The following ACSM1 variants were observed in gnomAD, a reference collection of about 807,000 sequenced individuals.
The protein encoded by ACSM1 is acyl-coenzyme A synthetase ACSM1, mitochondrial.
Under a neutral mutation model 75.8 loss-of-function variants are expected in ACSM1, and 79 were observed. The ratio of observed to expected loss-of-function variants is 1.04; its 90% confidence interval spans 0.87 to 1.26. The LOEUF is 1.26. Among genes scored for constraint, ACSM1 ranks in the 50% most tolerant of loss-of-function variants. ACSM1 has a pLI of 0.00. For missense variants in ACSM1, 676 were observed against 720.1 expected, an observed-to-expected ratio of 0.94 and a Z score of 0.70; for synonymous variants, 279 against 265.8, an observed-to-expected ratio of 1.05 and a Z score of -0.48.
chr16:20,677,848 T>A (rs1234259873), intron 4 of ACSM1, among the ~76,000 whole-genome samples: 3 of 151,988 alleles, frequency 2.0e-5, no homozygotes, highest in Admixed American at 2.0e-4. Flanking sequence ...ACTTTCCATG[T>A]TCATGAGGCT....
chr16:20,669,441 AACACACACACACACACACACACACAC>A (rs71149170), intron 6 of ACSM1, among the ~76,000 whole-genome samples: 2 of 141,252 alleles, frequency 1.4e-5, no homozygotes, highest in African/African-American at 5.3e-5. Flanking sequence ...TGAGTAAGAA[AACACACACACACACACACACACACAC>A]ACACACACAC....
chr16:20,641,575 C>T (rs55965183), intron 7 of ACSM1, among the ~76,000 whole-genome samples: 7 of 152,378 alleles, frequency 4.6e-5, no homozygotes, highest in Non-Finnish European at 1.0e-4. Flanking sequence ...TTGACCTCCT[C>T]ATTCTCACCA....
chr16:20,678,778 A>G (rs1325454630), intron 4 of ACSM1, among the ~76,000 whole-genome samples: 1 of 152,240 alleles, frequency 6.6e-6, no homozygotes, highest in African/African-American at 2.4e-5. Context: ...TGAACCAGAC[A>G]CTAAAACAAC....
At chr16:20,657,396 C>T (rs2019035355) in intron 7 of ACSM1, among the ~76,000 whole-genome samples, 1 of 152,026 alleles carries the variant, frequency 6.6e-6, no homozygotes, top group Non-Finnish European at 1.5e-5. Context: ...GCAACCTCTG[C>T]CTCCTGTGTT....
chr16:20,672,085 G>T (rs1195541071), intron 4 of ACSM1, among the ~76,000 whole-genome samples: 1 of 151,968 alleles, frequency 6.6e-6, no homozygotes, highest in Non-Finnish European at 1.5e-5. Flanking sequence ...TGCCCATTTT[G>T]CAGGTAAGGA....
rs1555473775 is a variant in ACSM1 at position 20,672,471 on chromosome 16, A to AAAATAT, written c.612-801_612-800insATATTT. ...CTCAAAAAAAAAAAAAAAAAAAAAA[A>AAAATAT]ATATATATATATATATATATATATA... On this transcript the variant is annotated intron_variant, in intron 4 of 13. Coordinates refer to ENST00000520010, the MANE Select transcript of ACSM1 (RefSeq NM_001318890.3). Among the ~76,000 whole-genome samples, 85 of 64,540 alleles carry AAAATAT rather than the reference A, an allele frequency of 1.3e-3. 1 individual carries two copies. The highest frequency in any genetic ancestry group is 4.3e-3 in the African/African-American group (70 of 16,274). 42.3% of individuals were successfully genotyped at this position (64,540 alleles called of 152,430 possible). A position where few individuals can be genotyped will look rare whatever the true frequency, so the allele number is the denominator to read the frequency against.
At chr16:20,642,110 T>C (rs934327166) in intron 7 of ACSM1, among the ~76,000 whole-genome samples, 11 of 152,148 alleles carry the variant, frequency 7.2e-5, no homozygotes, top group African/African-American at 2.4e-4. Context: ...CAGAGATTTT[T>C]AAAAAGTATA....
rs555208559 is a variant in ACSM1, at chr16:20,638,716, G to A, written c.1117-1265C>T. On this transcript the variant is annotated intron_variant, in intron 8 of 13. Transcript: ENST00000520010. The stretch of plus-strand genomic sequence containing the variant: ...TCTTCAAGCTGTAATTGGCAGAGCT[G>A]AGACTTGGACCCAGGTCTGTGCTCC... Among the ~76,000 whole-genome samples, 10 of 152,368 alleles carry A rather than the reference G, an allele frequency of 6.6e-5. No homozygotes were observed. In the East Asian group the frequency reaches 1.9e-3, roughly 29 times the overall value.
At chr16:20,637,776 C>A (rs1174871658) in intron 8 of ACSM1, among the ~76,000 whole-genome samples, 2 of 152,194 alleles carry the variant, frequency 1.3e-5, no homozygotes, top group Non-Finnish European at 2.9e-5. Context: ...GGCATGCCCA[C>A]CATTGAACAG....
At chr16:20,623,625 A>C in intron 13 of ACSM1, 53 bp from the exon 14 acceptor site, 1 of 1,541,824 alleles carries the variant, frequency 6.5e-7, no homozygotes, top group Admixed American at 1.7e-5. Flanking sequence ...GCCATTTCCT[A>C]ACAATTCTCC....
chr16:20,630,269 T>A (rs948017736), intron 10 of ACSM1, among the ~76,000 whole-genome samples: 2 of 151,958 alleles, frequency 1.3e-5, no homozygotes, highest in African/African-American at 4.8e-5. Flanking sequence ...TTATTTTTAG[T>A]AGAGATGGGG....
intron 7 of ACSM1, among the ~76,000 whole-genome samples, chr16:20,644,772 T>A (rs2018266815): frequency 6.6e-6 from 1 of 152,164 alleles, no homozygotes; most frequent in Admixed American, 6.5e-5. Context: ...CAGCAAAAGA[T>A]AATGGAAATC....
At position 20,671,494 on chromosome 16, in the gene ACSM1, C is replaced by T. The variant is rs374469307; in HGVS notation, c.752+37G>A. 4.5e-6 allele frequency: 7 copies of T among 1,565,880 alleles called. No homozygotes were observed. In the African/African-American group the frequency reaches 9.6e-5, roughly 21 times the overall value. ...ACACACACACAAACTTTGCCCACATCTGGGTCCAGCCTCTATGTCGGTGCC... is the reference window on the plus strand; with the variant it reads ...ACACACACACAAACTTTGCCCACATTTGGGTCCAGCCTCTATGTCGGTGCC... On this transcript the variant is annotated intron_variant, in intron 5 of 13. Coordinates refer to ENST00000520010, the MANE Select transcript of ACSM1 (RefSeq NM_001318890.3).
At chr16:20,634,025 AAGAC>A (rs2017504952) in intron 10 of ACSM1, among the ~76,000 whole-genome samples, 1 of 152,216 alleles carries the variant, frequency 6.6e-6, no homozygotes, top group South Asian at 2.1e-4. Context: ...TATTGGCATA[AAGAC>A]AGACAGATCA....
chr16:20,677,550 T>C (rs1305641728), intron 4 of ACSM1, among the ~76,000 whole-genome samples: 4 of 152,174 alleles, frequency 2.6e-5, no homozygotes, highest in Non-Finnish European at 4.4e-5. Context: ...CCCCCTTCAT[T>C]GCTGTGTAAA....
rs558707991 is a variant in ACSM1, at chr16:20,627,076, C to T, written c.1427+113G>A. 1,507 of 1,371,174 alleles carry T rather than the reference C, an allele frequency of 1.1e-3. 3 individuals carry two copies. Among genetic ancestry groups the T allele is most frequent in the Admixed American group, 1.5e-3 (52 of 35,792 alleles). 84.9% of individuals were successfully genotyped at this position (1,371,174 alleles called of 1,614,324 possible). On this transcript the variant is annotated intron_variant, in intron 11 of 13. Transcript: ENST00000520010. ...GAATCAGGGCACCATAGACACGGCT[C>T]TATTCAGATTTAGGCTGAAATTTCA... is the stretch of plus-strand genomic sequence containing the variant.
At chr16:20,695,220 T>C (rs1050367382) in intron 1 of ACSM1, among the ~76,000 whole-genome samples, 12 of 152,176 alleles carry the variant, frequency 7.9e-5, no homozygotes, top group African/African-American at 2.4e-4. Flanking sequence ...CGGGCTCAAA[T>C]TCCAGCACTT....
Position 20,685,831 on chromosome 16 carries a change from ACAAACAAAAAAAAAAC to A in ACSM1, c.193-444_193-429del, listed in dbSNP as rs1266425905. Among the ~76,000 whole-genome samples, 15 of 116,832 alleles carry A rather than the reference ACAAACAAAAAAAAAAC, an allele frequency of 1.3e-4. 1 individual carries two copies. Among genetic ancestry groups the A allele is most frequent in the Admixed American group, 2.5e-4 (3 of 12,062 alleles). The allele number at this position is 116,832 out of a possible 152,430, so 76.6% of individuals were successfully genotyped here. Reference sequence around the variant, plus strand: ...TGAGACTCCGTCTCAAAAAAAAAAAACAAACAAAAAAAAAACAAAAAACTTATAGCATCAGGAGAGG... The same window carrying A: ...TGAGACTCCGTCTCAAAAAAAAAAAAAAAAAACTTATAGCATCAGGAGAGG... On this transcript the variant is annotated intron_variant, in intron 2 of 13. Transcript: ENST00000520010.
intron 7 of ACSM1, among the ~76,000 whole-genome samples, chr16:20,657,446 T>A (rs1390736905): frequency 6.6e-6 from 1 of 152,076 alleles, no homozygotes; most frequent in Non-Finnish European, 1.5e-5. Context: ...GTAGCTGGGA[T>A]TACAGGTGCC....
Sources: allele counts gnomAD v4.1 joint callset (sites outside exome capture counted in the v4.1 genomes callset), GRCh38; gene constraint gnomAD v4.1.1; transcripts MANE v1.5; gene names NCBI Gene and HGNC (gene_info 2026-07-23, HGNC 2026-07-21).